Variants in TSHZ2 observed in about 807,000 individuals in gnomAD.
The protein encoded by TSHZ2 is teashirt zinc finger homeobox 2.
Under a neutral mutation model 74.4 loss-of-function variants are expected in TSHZ2, and 21 were observed. That is an observed-to-expected ratio of 0.28 (90% CI 0.20 to 0.41). The LOEUF is 0.41. Among genes scored for constraint, TSHZ2 ranks in the 10% least tolerant of loss-of-function variants. The pLI is 1.00. For missense variants in TSHZ2, 1,244 were observed against 1,293.5 expected, an observed-to-expected ratio of 0.96 and a Z score of 0.59; for synonymous variants, 540 against 515.3, an observed-to-expected ratio of 1.05 and a Z score of -0.65.
rs1986529878 is a variant in TSHZ2, at chr20:53,494,477, G to C, written c.*7342G>C. 6.6e-6 allele frequency: 1 copy of C among 152,136 alleles called. No individual in the cohort carries two copies. The highest frequency in any genetic ancestry group is 1.5e-5 in the Non-Finnish European group (1 of 68,024). The allele number at this position is 152,136 out of a possible 1,614,324, so 9.4% of individuals were successfully genotyped here. On this transcript the variant is annotated 3_prime_UTR_variant, in exon 3 of 3. Coordinates refer to ENST00000371497, the MANE Select transcript of TSHZ2 (RefSeq NM_173485.6). ...AATGACTTTGTTTGGAGGCACTTAA[G>C]ATGTATGCCTGTGTGTGGTGCCGCA...
At chr20:53,085,422 T>C (rs369307882) in intron 1 of TSHZ2, among the ~76,000 whole-genome samples, 2 of 152,078 alleles carry the variant, frequency 1.3e-5, no homozygotes, top group East Asian at 3.9e-4. Context: ...TCACTTTAGG[T>C]AGAACTTTTG....
intron 2 of TSHZ2, among the ~76,000 whole-genome samples, chr20:53,305,947 C>T (rs1473410555): frequency 2.0e-5 from 3 of 150,048 alleles, no homozygotes; most frequent in Non-Finnish European, 3.0e-5. Flanking sequence ...CACTACACTC[C>T]GGCCTGGGCA....
intron 1 of TSHZ2, among the ~76,000 whole-genome samples, chr20:53,218,577 G>A (rs1473470136): frequency 6.6e-6 from 1 of 152,212 alleles, no homozygotes; most frequent in Non-Finnish European, 1.5e-5. Flanking sequence ...CTGGAGCTAT[G>A]TTGTTGCCAC....
chr20:53,340,172 TCTTTC>T (rs1452272773), intron 2 of TSHZ2, among the ~76,000 whole-genome samples: 2 of 76,766 alleles, frequency 2.6e-5, no homozygotes, highest in African/African-American at 1.4e-4. Context: ...AGGTGACTTT[TCTTTC>T]TTTTTTCTTT....
At chr20:53,260,686 T>C (rs914970303) in intron 2 of TSHZ2, among the ~76,000 whole-genome samples, 1 of 152,208 alleles carries the variant, frequency 6.6e-6, no homozygotes, top group Non-Finnish European at 1.5e-5. Context: ...GTGGACATAA[T>C]ATCCTTCTCA....
chr20:53,079,599 G>GGCA (rs1985468683), intron 1 of TSHZ2, among the ~76,000 whole-genome samples: 1 of 152,172 alleles, frequency 6.6e-6, no homozygotes. Flanking sequence ...GTCTGAGCCA[G>GGCA]GCACTATTTC....
At chr20:53,036,999 G>A (rs1013495976) in intron 1 of TSHZ2, among the ~76,000 whole-genome samples, 5 of 151,950 alleles carry the variant, frequency 3.3e-5, no homozygotes, top group Non-Finnish European at 7.4e-5. Flanking sequence ...TAAGTTGATA[G>A]TATTGTATTT....
intron 2 of TSHZ2, among the ~76,000 whole-genome samples, chr20:53,339,949 T>C (rs776308103): frequency 6.6e-6 from 1 of 152,216 alleles, no homozygotes; most frequent in African/African-American, 2.4e-5. Flanking sequence ...CCAATGTGTG[T>C]CTGCTCAGGC....
At chr20:53,335,398 T>C (rs1979905212) in intron 2 of TSHZ2, among the ~76,000 whole-genome samples, 1 of 152,216 alleles carries the variant, frequency 6.6e-6, no homozygotes, top group South Asian at 2.1e-4. Flanking sequence ...ACTGGGTCCC[T>C]AAAGACAGGA....
chr20:53,011,168 G>T (rs1216860218), intron 1 of TSHZ2, among the ~76,000 whole-genome samples: 1 of 152,164 alleles, frequency 6.6e-6, no homozygotes, highest in Non-Finnish European at 1.5e-5. Context: ...GTCCTCAGAT[G>T]AGTTAATATT....
At chr20:53,114,470 A>G (rs1410889905) in intron 1 of TSHZ2, among the ~76,000 whole-genome samples, 3 of 152,216 alleles carry the variant, frequency 2.0e-5, no homozygotes, top group Non-Finnish European at 4.4e-5. Context: ...GAGATGATCA[A>G]TGCAAACTAT....
chr20:53,205,392 G>A (rs1469249352), intron 1 of TSHZ2, among the ~76,000 whole-genome samples: 2 of 152,114 alleles, frequency 1.3e-5, no homozygotes, highest in Non-Finnish European at 2.9e-5. Context: ...TTCCAAACAG[G>A]TGTACTTTAC....
chr20:53,099,774 G>A (rs887501792), intron 1 of TSHZ2, among the ~76,000 whole-genome samples: 1 of 152,162 alleles, frequency 6.6e-6, no homozygotes, highest in Admixed American at 6.5e-5. Flanking sequence ...GAGTATGGGG[G>A]AAACTGCCCC....
intron 1 of TSHZ2, among the ~76,000 whole-genome samples, chr20:53,053,858 A>G (rs1984558777): frequency 6.6e-6 from 1 of 152,204 alleles, no homozygotes; most frequent in Admixed American, 6.5e-5. Flanking sequence ...TGTGAAAGCC[A>G]CTGCATTTGT....
At chr20:53,161,443 G>A (rs535975725) in intron 1 of TSHZ2, among the ~76,000 whole-genome samples, 1 of 152,070 alleles carries the variant, frequency 6.6e-6, no homozygotes, top group African/African-American at 2.4e-5. Flanking sequence ...GTAGTAGTCC[G>A]TTTTCACAGT....
intron 2 of TSHZ2, among the ~76,000 whole-genome samples, chr20:53,429,113 C>T (rs1483559953): frequency 6.6e-6 from 1 of 152,116 alleles, no homozygotes; most frequent in Non-Finnish European, 1.5e-5. Context: ...CTAAGTGATA[C>T]AAGAAATAAC....
At chr20:53,031,758 T>C (rs1162657282) in intron 1 of TSHZ2, among the ~76,000 whole-genome samples, 1 of 152,224 alleles carries the variant, frequency 6.6e-6, no homozygotes, top group Non-Finnish European at 1.5e-5. Flanking sequence ...CTTTCATATT[T>C]TCAGCTCTTG....
At chr20:53,091,085 C>T (rs115984200) in intron 1 of TSHZ2, among the ~76,000 whole-genome samples, 1 of 152,148 alleles carries the variant, frequency 6.6e-6, no homozygotes, top group African/African-American at 2.4e-5. Context: ...AACTTCCTAA[C>T]AATTTAATTG....
chr20:53,253,435 G>C, intron 1 of TSHZ2, 64 bp from the exon 2 acceptor site: 2 of 1,521,484 alleles, frequency 1.3e-6, no homozygotes, highest in Non-Finnish European at 8.8e-7. Context: ...TAGTCTATGT[G>C]AGGAAATTGG....
Sources: allele counts gnomAD v4.1 joint callset (sites outside exome capture counted in the v4.1 genomes callset), GRCh38; gene constraint gnomAD v4.1.1; transcripts MANE v1.5; gene names NCBI Gene and HGNC (gene_info 2026-07-23, HGNC 2026-07-21).